Variants in FARP1 observed in about 807,000 individuals in gnomAD.
FARP1 encodes FERM, ARHGEF and pleckstrin domain-containing protein 1.
In FARP1, 52 loss-of-function variants were observed where a neutral mutation model predicts 128.8. The observed-to-expected ratio is 0.40, with a 90% confidence interval of 0.32 to 0.51. The LOEUF (loss-of-function observed/expected upper bound fraction) is 0.51. FARP1 is among the 20% of genes least tolerant of loss of function. The pLI, the probability that FARP1 is intolerant of heterozygous loss-of-function variation, is 0.45. For missense variants in FARP1, 1,333 were observed against 1,367.9 expected (o/e 0.97, Z 0.40); for synonymous variants, 580 against 551.8 (o/e 1.05, Z -0.72).
rs542050439 is a variant in FARP1 at position 98,410,795 on chromosome 13, A to G, written c.1664A>G (p.Tyr555Cys). 4 of 1,597,134 alleles carry G rather than the reference A, an allele frequency of 2.5e-6. No individual in the cohort carries two copies. Among genetic ancestry groups the G allele is most frequent in the South Asian group, 1.1e-5 (1 of 89,708 alleles). ...AKEVSTTERT[Y>C]LKDLEVITSW... Reference sequence around the variant, plus strand: ...GAAGTGTCTACCACCGAGCGAACATATCTGAAGGATCTCGAAGTTATCACT... The same window carrying G: ...GAAGTGTCTACCACCGAGCGAACATGTCTGAAGGATCTCGAAGTTATCACT... Residue 555 changes from tyrosine to cysteine, a missense_variant, in exon 15 of 27, where the codon TAT (tyrosine) becomes TGT (cysteine). This residue lies in a region of FARP1 where 1,009 missense variants were observed against 969.8 expected (regional missense o/e 1.04). Transcript: ENST00000319562.
intron 2 of FARP1, among the ~76,000 whole-genome samples, chr13:98,258,059 T>C (rs1883695507): frequency 6.6e-6 from 1 of 152,076 alleles, no homozygotes; most frequent in African/African-American, 2.4e-5. Context: ...CTGCAAGCTC[T>C]GCCTCCTGGG....
chr13:98,287,011 A>G (rs541437332), intron 2 of FARP1, among the ~76,000 whole-genome samples: 19 of 152,192 alleles, frequency 1.2e-4, no homozygotes, highest in African/African-American at 3.6e-4. Flanking sequence ...ACCTGTTGCA[A>G]TTTAATCTTT....
chr13:98,385,646 G>T (rs752573148), intron 7 of FARP1, 21 bp from the exon 8 acceptor site: 7 of 1,613,830 alleles, frequency 4.3e-6, no homozygotes, highest in Non-Finnish European at 5.9e-6. Context: ...TGGCCTTTCT[G>T]TTTAATTTTT....
intron 3 of FARP1, among the ~76,000 whole-genome samples, chr13:98,345,960 T>A (rs1235986688): frequency 6.6e-6 from 1 of 152,164 alleles, no homozygotes; most frequent in Non-Finnish European, 1.5e-5. Context: ...ACATATAGTG[T>A]TTCATTTATT....
At chr13:98,432,864 C>G in intron 18 of FARP1, 1 of 153,424 alleles carries the variant, frequency 6.5e-6, no homozygotes, top group Non-Finnish European at 1.5e-5. Context: ...GCTGGAGGGT[C>G]TGCAGGCAGG....
rs551906473 is a variant in FARP1 at position 98,158,256 on chromosome 13, C to A, written c.-24+14764C>A. Among the ~76,000 whole-genome samples, 88 of 151,972 alleles carry A rather than the reference C, an allele frequency of 5.8e-4. 1 individual carries two copies. The highest frequency in any genetic ancestry group is 4.4e-4 in the Non-Finnish European group (30 of 67,996). ...TTTTCGGAGTGCATGAAAAGGAAAA[C>A]CTTAAATTTTTTTCCCCTGTGGATT... On this transcript the variant is annotated intron_variant, in intron 1 of 26. Transcript: ENST00000319562.
chr13:98,180,724 C>T (rs1878446179), intron 1 of FARP1, among the ~76,000 whole-genome samples: 1 of 152,092 alleles, frequency 6.6e-6, no homozygotes, highest in Non-Finnish European at 1.5e-5. Flanking sequence ...TGGGAATCTG[C>T]CTTTGTAAAG....
At chr13:98,347,362 T>A (rs186914405) in intron 3 of FARP1, among the ~76,000 whole-genome samples, 115 of 152,310 alleles carry the variant, frequency 7.6e-4, no homozygotes, top group African/African-American at 2.7e-3. Flanking sequence ...ATCTCTAGAA[T>A]TTTTTTATCT....
intron 2 of FARP1, among the ~76,000 whole-genome samples, chr13:98,256,963 A>G (rs867507366): frequency 0.024 from 2,909 of 119,502 alleles, 203 homozygotes; most frequent in African/African-American, 0.069. Flanking sequence ...ATATATATAT[A>G]TATATATATA....
intron 16 of FARP1, among the ~76,000 whole-genome samples, chr13:98,418,316 C>G (rs79604837): frequency 0.13 from 20,266 of 151,692 alleles, 2,087 homozygotes; most frequent in East Asian, 0.3. Flanking sequence ...CCTCTGTCAC[C>G]CAGGATAGAA....
chr13:98,295,092 CACACACACACACATATAT>C lies in FARP1; in HGVS notation c.172-48669_172-48652del, dbSNP rs748249675. Among the ~76,000 whole-genome samples, 26 of 84,238 alleles carry C rather than the reference CACACACACACACATATAT, an allele frequency of 3.1e-4. 1 individual carries two copies. In the South Asian group the frequency reaches 3.7e-3, roughly 12 times the overall value. The allele number at this position is 84,238 out of a possible 152,430, so 55.3% of individuals were successfully genotyped here. On this transcript the variant is annotated intron_variant, in intron 2 of 26. Transcript: ENST00000319562. ...ACACACACACACACACACACACACA[CACACACACACACATATAT>C]CCCCAGGCATTATTTATTTATTTAT...
intron 13 of FARP1, chr13:98,402,814 C>T (rs1157417633): frequency 3.3e-5 from 5 of 151,944 alleles, no homozygotes; most frequent in African/African-American, 1.2e-4. Context: ...TCTGTTCTCT[C>T]TGTGTGTATA....
chr13:98,272,664 G>GTTT (rs1884446075), intron 2 of FARP1, among the ~76,000 whole-genome samples: 1 of 152,190 alleles, frequency 6.6e-6, no homozygotes, highest in Non-Finnish European at 1.5e-5. Context: ...AAGATTGGGA[G>GTTT]TTTGAATTGA....
chr13:98,262,361 A>G (rs551092417), intron 2 of FARP1, among the ~76,000 whole-genome samples: 6 of 151,830 alleles, frequency 4.0e-5, no homozygotes, highest in African/African-American at 4.8e-5. Flanking sequence ...TTCTTCCTCC[A>G]GGCTCCAGAC....
At chr13:98,218,879 C>T (rs539478184) in intron 2 of FARP1, among the ~76,000 whole-genome samples, 2 of 152,122 alleles carry the variant, frequency 1.3e-5, no homozygotes, top group African/African-American at 2.4e-5. Flanking sequence ...TCAGAGAAGA[C>T]CTAAAGTTTT....
chr13:98,208,146 A>C (rs554437454), intron 1 of FARP1, among the ~76,000 whole-genome samples: 10 of 152,210 alleles, frequency 6.6e-5, no homozygotes, highest in Middle Eastern at 3.4e-3. Flanking sequence ...AGCTTATTTG[A>C]GGCAGAAGTG....
chr13:98,384,274 C>G (rs1466858083), intron 6 of FARP1: 1 of 163,876 alleles, frequency 6.1e-6, no homozygotes, highest in Non-Finnish European at 1.3e-5. Context: ...CTCACTGCAA[C>G]CTCCACCTCC....
intron 19 of FARP1, chr13:98,437,754 C>A (rs370166290): frequency 3.0e-6 from 4 of 1,329,284 alleles, no homozygotes; most frequent in Non-Finnish European, 3.2e-6. Context: ...TGCTTTCTCT[C>A]GGTCCCACCA....
intron 2 of FARP1, among the ~76,000 whole-genome samples, chr13:98,322,614 C>G (rs1277823570): frequency 1.3e-5 from 2 of 152,196 alleles, no homozygotes; most frequent in Non-Finnish European, 2.9e-5. Context: ...AGACCCGGAG[C>G]TTACATGCTC....
Sources: gnomAD v4.1 joint callset for allele counts (sites outside exome capture counted in the v4.1 genomes callset) on GRCh38, gnomAD v4.1.1 for gene constraint, gnomAD v4.1.1 regional missense constraint, MANE v1.5 for transcripts, NCBI Gene and HGNC (gene_info 2026-07-23, HGNC 2026-07-21) for gene names.